DAPK2: variants seen among roughly 807,000 people sequenced by gnomAD.
The protein encoded by DAPK2 is death associated protein kinase 2, also known as death-associated protein kinase 2.
In DAPK2, 35 loss-of-function variants were observed where a neutral mutation model predicts 44.1. That is an observed-to-expected ratio of 0.79 (90% CI 0.61 to 1.05). The LOEUF is 1.05. Ranked by LOEUF, DAPK2 falls within the 50% of genes least tolerant of loss-of-function variation. The pLI, the probability that DAPK2 is intolerant of heterozygous loss-of-function variation, is 0.00. For missense variants in DAPK2, 453 were observed against 483.2 expected, an observed-to-expected ratio of 0.94 and a Z score of 0.59; for synonymous variants, 174 against 182.6, an observed-to-expected ratio of 0.95 and a Z score of 0.38.
intron 2 of DAPK2, among the ~76,000 whole-genome samples, chr15:63,979,716 C>T (rs1289630911): frequency 1.3e-5 from 2 of 152,118 alleles, no homozygotes. Flanking sequence ...AGTTCAAGAC[C>T]AGTCTGGCCA....
chr15:63,907,748 C>T (rs1429328647), exon 11 of DAPK2: 1 of 152,264 alleles, frequency 6.6e-6, no homozygotes, highest in Admixed American at 6.5e-5. Flanking sequence ...GAACTGGACA[C>T]CTTCCTGTTA....
At chr15:63,929,866 T>TC in intron 5 of DAPK2, 1 of 576,874 alleles carries the variant, frequency 1.7e-6, no homozygotes, top group Non-Finnish European at 3.3e-6. Context: ...TCGGAGCCCT[T>TC]CCCCCCTTGT....
At chr15:63,910,381 C>T (rs751906815) in intron 10 of DAPK2, among the ~76,000 whole-genome samples, 4 of 152,228 alleles carry the variant, frequency 2.6e-5, no homozygotes, top group Non-Finnish European at 4.4e-5. Flanking sequence ...ACCTCCCAGT[C>T]GCTCCCTGAG....
intron 1 of DAPK2, among the ~76,000 whole-genome samples, chr15:64,036,417 C>G (rs2080214553): frequency 6.8e-6 from 1 of 147,472 alleles, no homozygotes; most frequent in Non-Finnish European, 1.5e-5. Context: ...TATAAATACT[C>G]ATAAAATGAA....
Position 63,925,898 on chromosome 15 carries a change from G to A in DAPK2, c.812+43C>T, listed in dbSNP as rs759329502. 12 of 1,612,826 alleles carry A rather than the reference G, an allele frequency of 7.4e-6. No individual in the cohort carries two copies. The African/African-American group carries it at 1.3e-4, about 18-fold the overall frequency. On this transcript the variant is annotated intron_variant, in intron 7 of 10. Coordinates refer to ENST00000261891, the Ensembl canonical transcript of DAPK2. ...AGGTCTTTGACAGAGGCGACAGGAA[G>A]GGATCAGTACCTGAGAAACCAGTGG...
At chr15:63,972,113 A>T (rs1481762409) in intron 2 of DAPK2, among the ~76,000 whole-genome samples, 3 of 152,242 alleles carry the variant, frequency 2.0e-5, no homozygotes, top group Non-Finnish European at 4.4e-5. Flanking sequence ...GCCATCTATG[A>T]GGAAGTGAAC....
At chr15:63,995,646 G>A (rs951357672) in intron 1 of DAPK2, among the ~76,000 whole-genome samples, 7 of 152,188 alleles carry the variant, frequency 4.6e-5, no homozygotes, top group Admixed American at 2.6e-4. Flanking sequence ...CTTACTGCAC[G>A]ACCCAGGGGA....
At chr15:63,924,910 G>A (rs1308680547) in intron 7 of DAPK2, 49 bp from the exon 9 acceptor site, 2 of 1,601,744 alleles carry the variant, frequency 1.2e-6, no homozygotes, top group Non-Finnish European at 8.5e-7. Context: ...ACAGAAGTTG[G>A]GAGCAACCAT....
intron 3 of DAPK2, among the ~76,000 whole-genome samples, chr15:63,969,315 G>T (rs2078142740): frequency 6.6e-6 from 1 of 152,094 alleles, no homozygotes; most frequent in Admixed American, 6.6e-5. Context: ...AACTACTTGG[G>T]AGGCTGAGGT....
chr15:63,967,617 G>C (rs2078091722), intron 3 of DAPK2, among the ~76,000 whole-genome samples: 1 of 152,170 alleles, frequency 6.6e-6, no homozygotes, highest in Non-Finnish European at 1.5e-5. Flanking sequence ...CTTGAACCCA[G>C]GAGGCAGAGG....
chr15:63,986,493 T>A (rs1176337390), intron 1 of DAPK2, among the ~76,000 whole-genome samples: 1 of 152,126 alleles, frequency 6.6e-6, no homozygotes, highest in African/African-American at 2.4e-5. Flanking sequence ...GGTGTGATCA[T>A]AACTCACTGC....
intron 1 of DAPK2, among the ~76,000 whole-genome samples, chr15:64,003,155 G>A (rs892431021): frequency 4.6e-4 from 70 of 152,198 alleles, no homozygotes; most frequent in African/African-American, 1.6e-3. Flanking sequence ...GATAAGGTGG[G>A]GAAGAACTGA....
At chr15:63,915,234 T>C (rs2146512059) in intron 8 of DAPK2, among the ~76,000 whole-genome samples, 1 of 152,356 alleles carries the variant, frequency 6.6e-6, no homozygotes, top group South Asian at 2.1e-4. Flanking sequence ...AATCTGAGGA[T>C]GTGGAACTTG....
chr15:64,008,876 G>A (rs892650447), intron 1 of DAPK2, among the ~76,000 whole-genome samples: 19 of 152,164 alleles, frequency 1.2e-4, no homozygotes, highest in Admixed American at 6.5e-5. Flanking sequence ...GTGTACTTGA[G>A]GGACAGGCCA....
chr15:63,920,023 G>C (rs1296878321), intron 8 of DAPK2: 2 of 152,218 alleles, frequency 1.3e-5, no homozygotes, highest in Non-Finnish European at 2.9e-5. Context: ...TAAGATGTAG[G>C]AAATGGAGCT....
chr15:63,968,028 T>C (rs1007468675), intron 3 of DAPK2, among the ~76,000 whole-genome samples: 11 of 152,084 alleles, frequency 7.2e-5, no homozygotes, highest in African/African-American at 2.7e-4. Context: ...TGAAAATCCA[T>C]CATGGAGAAT....
chr15:63,909,340 T>A (rs2078724469), intron 10 of DAPK2: 1 of 152,144 alleles, frequency 6.6e-6, no homozygotes, highest in Non-Finnish European at 1.5e-5. Flanking sequence ...ACTCTTTTTT[T>A]TTTTTTTTTT....
chr15:63,968,409 T>A (rs1211716991), intron 3 of DAPK2, among the ~76,000 whole-genome samples: 2 of 152,134 alleles, frequency 1.3e-5, no homozygotes, highest in Non-Finnish European at 2.9e-5. Flanking sequence ...TTCCAGGTAA[T>A]GGAAAATGTC....
chr15:64,040,289 G>C (rs1261912911), upstream of DAPK2: 9 of 1,593,328 alleles, frequency 5.6e-6, no homozygotes, highest in East Asian at 4.5e-5. Context: ...AGAAACCTGT[G>C]GTTAGGACAG....
Sources: allele counts gnomAD v4.1 joint callset (sites outside exome capture counted in the v4.1 genomes callset), GRCh38; gene constraint gnomAD v4.1.1; transcripts MANE v1.5; gene names NCBI Gene and HGNC (gene_info 2026-07-23, HGNC 2026-07-21).